Variants in FSTL5 observed in about 807,000 individuals in gnomAD.
The protein encoded by FSTL5 is follistatin like 5, also known as follistatin-related protein 5.
Under a neutral mutation model 89.1 loss-of-function variants are expected in FSTL5, and 62 were observed. That is an observed-to-expected ratio of 0.70 (90% CI 0.57 to 0.86). The LOEUF is 0.86. Ranked by LOEUF, FSTL5 falls within the 40% of genes least tolerant of loss-of-function variation. The pLI, the probability that FSTL5 is intolerant of heterozygous loss-of-function variation, is 0.00. For missense variants in FSTL5, 1,057 were observed against 1,001.6 expected (o/e 1.06, Z -0.75); for synonymous variants, 383 against 346.2 (o/e 1.11, Z -1.18).
At chr4:161,834,157 T>C (rs1177496071) in intron 4 of FSTL5, among the ~76,000 whole-genome samples, 1 of 152,026 alleles carries the variant, frequency 6.6e-6, no homozygotes, top group Non-Finnish European at 1.5e-5. Context: ...TATATGCAAA[T>C]CAATAAATAT....
At chr4:161,874,420 CATTT>C (rs1371801640) in intron 4 of FSTL5, among the ~76,000 whole-genome samples, 1 of 151,894 alleles carries the variant, frequency 6.6e-6, no homozygotes, top group African/African-American at 2.4e-5. Context: ...GGGTGGATCT[CATTT>C]ATTAATTCTT....
chr4:161,427,976 G>C (rs752345224), intron 15 of FSTL5, among the ~76,000 whole-genome samples: 2 of 152,140 alleles, frequency 1.3e-5, no homozygotes, highest in Non-Finnish European at 2.9e-5. Context: ...AAGAGGCACT[G>C]AAGAGGATAG....
chr4:161,570,940 C>T (rs1427899690), intron 8 of FSTL5, among the ~76,000 whole-genome samples: 1 of 151,854 alleles, frequency 6.6e-6, no homozygotes, highest in Non-Finnish European at 1.5e-5. Context: ...ATGGTGAAAC[C>T]CCGTCTCTAC....
intron 1 of FSTL5, among the ~76,000 whole-genome samples, chr4:162,112,952 A>AT (rs1261632168): frequency 6.6e-6 from 1 of 152,002 alleles, no homozygotes; most frequent in Admixed American, 6.6e-5. Flanking sequence ...GTTTCTGTAG[A>AT]TTTTGTGAAA....
At chr4:162,006,104 T>A (rs186374904) in intron 3 of FSTL5, among the ~76,000 whole-genome samples, 11,592 of 151,932 alleles carry the variant, frequency 0.076, 976 homozygotes, top group East Asian at 0.22. Context: ...GGCTTTTTTT[T>A]TAAAATATTA....
At chr4:162,162,817 A>G (rs1733746271) in intron 1 of FSTL5, among the ~76,000 whole-genome samples, 1 of 152,198 alleles carries the variant, frequency 6.6e-6, no homozygotes, top group Non-Finnish European at 1.5e-5. Flanking sequence ...CACACTTCCC[A>G]GTTCCATTCA....
At chr4:161,759,560 T>C (rs1349126117) in intron 5 of FSTL5, 29 bp from the exon 6 acceptor site, 15 of 1,351,190 alleles carry the variant, frequency 1.1e-5, no homozygotes, top group Non-Finnish European at 1.2e-5. Flanking sequence ...ACCATACCTT[T>C]AGATTTGTGT....
intron 2 of FSTL5, chr4:162,042,034 C>T (rs559907181): frequency 1.3e-5 from 2 of 151,884 alleles, no homozygotes; most frequent in African/African-American, 2.4e-5. Context: ...CCTGTAATCC[C>T]AGCTACTCAC....
rs144983464 is a variant in FSTL5, at chr4:161,481,118, C to T, written c.1510G>A (p.Ala504Thr). The change falls in exon 13 of 16, where the codon GCA becomes ACA. Residue 504 changes from alanine to threonine, a missense_variant. Around this residue, in one of 3 missense-constraint regions of FSTL5, gnomAD observed 980 missense variants for 903.2 expected, o/e 1.08. Transcript: ENST00000306100. Reference protein sequence around the residue: ...EGDEVQRCVWASAVNVKDKFI... With the variant: ...EGDEVQRCVWTSAVNVKDKFI... ...TTGTCTTTGACATTAACAGCTGATG[C>T]CCACACACACCTCTGAACTTCATCT... The T allele has an allele frequency of 2.2e-4, 355 of 1,612,490 alleles. No individual in the cohort carries two copies. Among genetic ancestry groups the T allele is most frequent in the Non-Finnish European group, 2.8e-4 (329 of 1,178,902 alleles).
At chr4:161,971,232 G>A (rs1485856573) in intron 3 of FSTL5, among the ~76,000 whole-genome samples, 1 of 152,074 alleles carries the variant, frequency 6.6e-6, no homozygotes, top group East Asian at 1.9e-4. Context: ...AGTCATCTCT[G>A]ATAACGTGTT....
At chr4:161,550,721 T>C (rs1732177004) in intron 8 of FSTL5, among the ~76,000 whole-genome samples, 2 of 151,992 alleles carry the variant, frequency 1.3e-5, no homozygotes, top group African/African-American at 2.4e-5. Context: ...CTCCCAATGC[T>C]ATCCCTCCCC....
At chr4:161,629,501 C>T (rs1015157886) in intron 7 of FSTL5, among the ~76,000 whole-genome samples, 3 of 152,032 alleles carry the variant, frequency 2.0e-5, no homozygotes, top group Admixed American at 1.3e-4. Context: ...TGCCACCACA[C>T]CTGGCTAAGT....
intron 10 of FSTL5, among the ~76,000 whole-genome samples, chr4:161,527,017 A>G (rs929958824): frequency 1.3e-5 from 2 of 152,146 alleles, no homozygotes; most frequent in African/African-American, 2.4e-5. Context: ...CATTGAATCT[A>G]TAAATTACCT....
Position 161,537,165 on chromosome 4 carries a change from A to G in FSTL5, c.1312+1001T>C, listed in dbSNP as rs1731648612. 2.0e-5 allele frequency among the ~76,000 whole-genome samples: 3 copies of G among 152,276 alleles called. No homozygotes were observed. In the East Asian group the frequency reaches 5.8e-4, roughly 29 times the overall value. ...GATCCACTCATGTCAATATGCACTAAGTGACTTAAGAAGTAATAGGAAGAC... is the reference window on the plus strand; with the variant it reads ...GATCCACTCATGTCAATATGCACTAGGTGACTTAAGAAGTAATAGGAAGAC... On this transcript the variant is annotated intron_variant, in intron 10 of 15. Coordinates refer to ENST00000306100, the MANE Select transcript of FSTL5 (RefSeq NM_020116.5).
intron 7 of FSTL5, among the ~76,000 whole-genome samples, chr4:161,655,529 A>T (rs140336774): frequency 6.6e-6 from 1 of 152,274 alleles, no homozygotes; most frequent in African/African-American, 2.4e-5. Flanking sequence ...GTATTAGAAC[A>T]TTATTGGTAA....
At chr4:161,527,863 C>T (rs565779221) in intron 10 of FSTL5, among the ~76,000 whole-genome samples, 2 of 150,706 alleles carry the variant, frequency 1.3e-5, no homozygotes, top group Non-Finnish European at 2.9e-5. Flanking sequence ...TGTTGCGGCA[C>T]TATTCACAAT....
chr4:161,986,574 G>GGAATATGTA (rs1169238624), intron 3 of FSTL5, among the ~76,000 whole-genome samples: 1 of 152,024 alleles, frequency 6.6e-6, no homozygotes, highest in Non-Finnish European at 1.5e-5. Flanking sequence ...ATAAAATAGA[G>GGAATATGTA]GAATATGTAT....
intron 2 of FSTL5, among the ~76,000 whole-genome samples, chr4:162,099,025 A>G (rs1730878995): frequency 6.6e-6 from 1 of 152,080 alleles, no homozygotes; most frequent in South Asian, 2.1e-4. Context: ...CTCTTTTTTT[A>G]TTAGGACATG....
At chr4:161,589,172 G>GTTTA (rs1733722662) in intron 7 of FSTL5, among the ~76,000 whole-genome samples, 1 of 150,932 alleles carries the variant, frequency 6.6e-6, no homozygotes, top group Admixed American at 6.6e-5. Context: ...GTTTTTGTTT[G>GTTTA]TTTGTTTGTT....
Sources: gnomAD v4.1 joint callset for allele counts (sites outside exome capture counted in the v4.1 genomes callset) on GRCh38, gnomAD v4.1.1 for gene constraint, gnomAD v4.1.1 regional missense constraint, MANE v1.5 for transcripts, NCBI Gene and HGNC (gene_info 2026-07-23, HGNC 2026-07-21) for gene names.